The following BEAN1 variants were observed in gnomAD, a reference collection of about 807,000 sequenced individuals.
The protein encoded by BEAN1 is protein BEAN1.
A neutral mutation model predicts 17.7 loss-of-function variants in BEAN1; 17 were observed. The observed-to-expected ratio is 0.96, with a 90% CI of 0.66 to 1.44. The LOEUF (loss-of-function observed/expected upper bound fraction) is 1.44, where lower values mean the gene tolerates loss of function less well. Ranked by LOEUF, BEAN1 falls within the 40% of genes most tolerant of loss-of-function variation. The pLI is 0.00. For missense variants in BEAN1, 359 were observed against 374.1 expected (o/e 0.96, Z 0.33); for synonymous variants, 142 against 151.8 (o/e 0.94, Z 0.47).
chr16:66,468,097 G>T (rs1477038670), intron 2 of BEAN1, among the ~76,000 whole-genome samples: 1 of 152,198 alleles, frequency 6.6e-6, no homozygotes, highest in Non-Finnish European at 1.5e-5. Flanking sequence ...ACTCAGGCAG[G>T]TGGCCACCCA....
intron 2 of BEAN1, among the ~76,000 whole-genome samples, chr16:66,467,985 T>G (rs1428098708): frequency 6.6e-6 from 1 of 152,186 alleles, no homozygotes; most frequent in East Asian, 1.9e-4. Flanking sequence ...TTGGGGTCAG[T>G]GCTAGAAAGG....
chr16:66,448,191 G>A (rs2142395233), intron 2 of BEAN1, among the ~76,000 whole-genome samples: 1 of 150,976 alleles, frequency 6.6e-6, no homozygotes, highest in African/African-American at 2.4e-5. Flanking sequence ...TCCTTTCCTA[G>A]AGAGATGCTC....
At chr16:66,476,419 G>C (rs1963749472) in intron 3 of BEAN1, 1 of 152,230 alleles carries the variant, frequency 6.6e-6, no homozygotes, top group Non-Finnish European at 1.5e-5. Flanking sequence ...CTGAGTATCA[G>C]CTTCCTTGTC....
At chr16:66,464,365 A>G (rs1288729027) in intron 2 of BEAN1, among the ~76,000 whole-genome samples, 2 of 151,836 alleles carry the variant, frequency 1.3e-5, no homozygotes, top group Non-Finnish European at 2.9e-5. Context: ...TTCTTGAGAC[A>G]GAGTCTCGCT....
chr16:66,488,254 T>C (rs1313461844), intron 4 of BEAN1, among the ~76,000 whole-genome samples: 2 of 151,928 alleles, frequency 1.3e-5, no homozygotes, highest in African/African-American at 4.8e-5. Context: ...AATGTACCAA[T>C]ATGTGGAATT....
chr16:66,442,252 A>G (rs1279029680), intron 2 of BEAN1, among the ~76,000 whole-genome samples: 1 of 152,198 alleles, frequency 6.6e-6, no homozygotes, highest in Admixed American at 6.5e-5. Context: ...CCCAGCTGGG[A>G]AAGGTGGCCC....
chr16:66,468,731 G>T (rs542533174), intron 2 of BEAN1, among the ~76,000 whole-genome samples: 1 of 152,190 alleles, frequency 6.6e-6, no homozygotes, highest in African/African-American at 2.4e-5. Flanking sequence ...TCACTAATGC[G>T]GAGCTGACTG....
At chr16:66,465,798 GTTTCTT>G (rs1393245849) in intron 2 of BEAN1, among the ~76,000 whole-genome samples, 1 of 152,168 alleles carries the variant, frequency 6.6e-6, no homozygotes, top group Non-Finnish European at 1.5e-5. Flanking sequence ...CAGAGTTTCT[GTTTCTT>G]TTTAAGTCTT....
rs904622399 is a variant in BEAN1 at position 66,478,609 on chromosome 16, T to A, written c.440+899T>A. Reference sequence around the variant, plus strand: ...AGAGTGAGACTTCGTCTCAAAAAAATAATAATAAAATAATAATAATAATAT... The same window carrying A: ...AGAGTGAGACTTCGTCTCAAAAAAAAAATAATAAAATAATAATAATAATAT... On this transcript the variant is annotated intron_variant, in intron 4 of 4. Transcript: ENST00000536005. 1.4e-4 allele frequency among the ~76,000 whole-genome samples: 21 copies of A among 150,362 alleles called. 1 individual carries two copies. The highest frequency in any genetic ancestry group is 3.0e-5 in the Non-Finnish European group (2 of 67,790).
At chr16:66,480,518 C>G (rs1963944089) in intron 4 of BEAN1, 68 bp from the exon 5 acceptor site, 1 of 1,293,790 alleles carries the variant, frequency 7.7e-7, no homozygotes, top group African/African-American at 1.5e-5. Context: ...AGATAGACCC[C>G]CAGGCCTTTG....
chr16:66,480,051 C>T (rs1300656064), intron 4 of BEAN1, among the ~76,000 whole-genome samples: 1 of 152,154 alleles, frequency 6.6e-6, no homozygotes, highest in Non-Finnish European at 1.5e-5. Context: ...CCGTGTCCTC[C>T]TCCTTGGCCT....
chr16:66,441,657 G>A (rs964421752), intron 2 of BEAN1, among the ~76,000 whole-genome samples: 10 of 152,146 alleles, frequency 6.6e-5, no homozygotes, highest in African/African-American at 2.4e-4. Context: ...GCAAGACCCT[G>A]CCCCTAGGAG....
In BEAN1 at chr16:66,481,262, C is replaced by A. The variant is rs1010653055; in HGVS notation, c.*337C>A. On this transcript the variant is annotated 3_prime_UTR_variant, in exon 5 of 5. Coordinates refer to ENST00000536005, the MANE Select transcript of BEAN1 (RefSeq NM_001178020.3). This position sits in a 1 kb window ranked among gnomAD's most constrained non-coding sequence, Gnocchi z 4.1. ...GTAGAGAGCGCTTCGGAGAGAGAGG[C>A]GAAGTAGGAAGTGGGATTTTCTCTT... The A allele has an allele frequency of 5.0e-6, 2 of 399,360 alleles. No individual in the cohort carries two copies. Among genetic ancestry groups the A allele is most frequent in the Non-Finnish European group, 8.8e-6 (2 of 226,656 alleles). The allele number at this position is 399,360 out of a possible 1,614,324, so 24.7% of individuals were successfully genotyped here. A position where few individuals can be genotyped will look rare whatever the true frequency, so the allele number is the denominator to read the frequency against.
At chr16:66,470,201 T>A in intron 3 of BEAN1, 1 of 434,340 alleles carries the variant, frequency 2.3e-6, no homozygotes, top group East Asian at 4.1e-5. Context: ...GATGGATGGA[T>A]GGATGGATGG....
intron 2 of BEAN1, among the ~76,000 whole-genome samples, chr16:66,457,071 C>T (rs1962896636): frequency 6.6e-6 from 1 of 152,186 alleles, no homozygotes; most frequent in South Asian, 2.1e-4. Context: ...GGAACAGTGC[C>T]AGGGCAGCTG....
intron 4 of BEAN1, among the ~76,000 whole-genome samples, chr16:66,490,522 A>T (rs1315916859): frequency 6.6e-6 from 1 of 152,024 alleles, no homozygotes; most frequent in African/African-American, 2.4e-5. Flanking sequence ...TTACAAAAAC[A>T]TACCTAAGAA....
Position 66,481,183 on chromosome 16 carries a change from C to T in BEAN1, c.*258C>T, listed in dbSNP as rs1463422814. On this transcript the variant is annotated 3_prime_UTR_variant, in exon 5 of 5. Coordinates refer to ENST00000536005, the MANE Select transcript of BEAN1 (RefSeq NM_001178020.3). This position sits in a 1 kb window ranked among gnomAD's most constrained non-coding sequence, Gnocchi z 4.1. Reference sequence around the variant, plus strand: ...ACCCACCTGCAAAGGTTTCACGGAACGTGGAGCTCTCCTGGCCTCCCGTCC... The same window carrying T: ...ACCCACCTGCAAAGGTTTCACGGAATGTGGAGCTCTCCTGGCCTCCCGTCC... 2.4e-5 allele frequency: 10 copies of T among 415,788 alleles called. No individual in the cohort carries two copies. Among genetic ancestry groups the T allele is most frequent in the East Asian group, 1.8e-4 (5 of 28,268 alleles). The allele number at this position is 415,788 out of a possible 1,614,324, so 25.8% of individuals were successfully genotyped here.
chr16:66,478,580 C>T (rs547546375), intron 4 of BEAN1, among the ~76,000 whole-genome samples: 2 of 152,212 alleles, frequency 1.3e-5, no homozygotes, highest in East Asian at 1.9e-4. Flanking sequence ...CCAGCCTTAG[C>T]GACAGAGTGA....
At position 66,480,836 on chromosome 16, in the gene BEAN1, C is replaced by T. The variant is rs1279961424; in HGVS notation, c.691C>T (p.Leu231=). Residue 231 remains leucine (L), a synonymous_variant, in exon 5 of 5, where the codon CTG becomes TTG. Transcript: ENST00000536005. ...GAGPPSGLLP[L]PGPDPGPRGS... is the part of the protein sequence containing the mutation. ...TGGCCCCCCATCAGGCCTGCTGCCA[C>T]TGCCGGGCCCAGACCCAGGGCCAAG... The T allele has an allele frequency of 4.6e-6, 7 of 1,529,292 alleles. No homozygotes were observed. In the South Asian group the frequency reaches 7.4e-5, roughly 16 times the overall value. 94.7% of individuals were successfully genotyped at this position (1,529,292 alleles called of 1,614,324 possible).
Sources: gnomAD v4.1 joint callset for allele counts (sites outside exome capture counted in the v4.1 genomes callset) on GRCh38, gnomAD v4.1.1 for gene constraint, Gnocchi (gnomAD v3.1) non-coding constraint, MANE v1.5 for transcripts, NCBI Gene and HGNC (gene_info 2026-07-23, HGNC 2026-07-21) for gene names.